NAV2: variants seen among roughly 807,000 people sequenced by gnomAD.
NAV2 encodes the protein neuron navigator 2.
A neutral mutation model predicts 223.2 loss-of-function variants in NAV2; 54 were observed. The ratio of observed to expected loss-of-function variants is 0.24; its 90% CI spans 0.19 to 0.30. NAV2 has a LOEUF of 0.30. Among genes scored for constraint, NAV2 ranks in the 10% least tolerant of loss-of-function variants. NAV2 has a pLI of 1.00. For synonymous variants in NAV2, 1,279 were observed against 1,239.3 expected, an observed-to-expected ratio of 1.03 and a Z score of -0.67; for missense variants, 2,806 against 3,147.5, an observed-to-expected ratio of 0.89 and a Z score of 2.60.
chr11:20,055,421 A>T (rs1427497233), intron 18 of NAV2, among the ~76,000 whole-genome samples: 1 of 152,204 alleles, frequency 6.6e-6, no homozygotes, highest in East Asian at 1.9e-4. Flanking sequence ...TCTGATCAAA[A>T]GCCTGATTGG....
chr11:19,443,709 G>C (rs1038411176), intron 1 of NAV2, among the ~76,000 whole-genome samples: 1 of 152,154 alleles, frequency 6.6e-6, no homozygotes, highest in Admixed American at 6.5e-5. Flanking sequence ...AAGACATCTG[G>C]CTTGGAATTT....
At chr11:19,789,376 CCTT>C (rs1033346985) in intron 1 of NAV2, among the ~76,000 whole-genome samples, 1 of 152,162 alleles carries the variant, frequency 6.6e-6, no homozygotes, top group African/African-American at 2.4e-5. Flanking sequence ...CATCCTTTGA[CCTT>C]CTCAAACTTT....
chr11:19,346,721 A>C (rs978565078), upstream of NAV2, among the ~76,000 whole-genome samples: 1 of 152,230 alleles, frequency 6.6e-6, no homozygotes, highest in Non-Finnish European at 1.5e-5. Context: ...GTGGCTTAGC[A>C]GAAGTGGCCG....
rs755425144 is a variant in NAV2 at position 20,054,092 on chromosome 11, C to G, written c.4494C>G (p.Thr1498=). 2 of 1,612,494 alleles carry G rather than the reference C, an allele frequency of 1.2e-6. No homozygotes were observed. The highest frequency in any genetic ancestry group is 1.7e-6 in the Non-Finnish European group (2 of 1,179,704). The change falls in exon 18 of 38, where the codon ACC becomes ACG. Residue 1498 remains threonine (T), a synonymous_variant. Coordinates refer to ENST00000349880, the MANE Select transcript of NAV2 (RefSeq NM_145117.5). ...TCTGTCTGTCCAGGTATACTCCCACCTCCCAGCTTCGCACGCAAGAAGATG... is the reference window on the plus strand; with the variant it reads ...TCTGTCTGTCCAGGTATACTCCCACGTCCCAGCTTCGCACGCAAGAAGATG... The part of the protein sequence containing the change: ...LPKKGLRYTP[T]SQLRTQEDAK...
intron 6 of NAV2, among the ~76,000 whole-genome samples, chr11:19,921,743 C>CTTA (rs2044289751): frequency 6.6e-6 from 1 of 152,196 alleles, no homozygotes; most frequent in Admixed American, 6.5e-5. Context: ...ACTTACTTAA[C>CTTA]CCCTATGCCT....
Position 19,675,784 on chromosome 11 carries a change from C to A in NAV2, c.76-156700C>A, listed in dbSNP as rs1228136697. ...GAGTTAGCCTCAGAGTTGCTCAAGTCCCCTCGAAACTAATTGATATTTGTA... is the reference window on the plus strand; with the variant it reads ...GAGTTAGCCTCAGAGTTGCTCAAGTACCCTCGAAACTAATTGATATTTGTA... On this transcript the variant is annotated intron_variant, in intron 1 of 37. Coordinates refer to the NAV2 transcript ENST00000360655. Among the ~76,000 whole-genome samples the A allele has an allele frequency of 5.3e-5, 8 of 152,276 alleles. No homozygotes were observed. In the East Asian group the frequency reaches 1.5e-3, roughly 29 times the overall value.
chr11:19,766,227 C>A (rs997448844), intron 1 of NAV2, among the ~76,000 whole-genome samples: 1 of 152,096 alleles, frequency 6.6e-6, no homozygotes, highest in African/African-American at 2.4e-5. Context: ...TTTTTAAATC[C>A]TCAGCCCGGT....
chr11:19,933,095 G>T lies in NAV2; in HGVS notation c.932-81G>T. On this transcript the variant is annotated intron_variant, in intron 6 of 37. Transcript: ENST00000349880. The surrounding 1 kb of genome is among the most constrained non-coding windows in gnomAD (Gnocchi z 4.3). ...GCATTTGGGTTGGGAGTGATTGGTTGTGTGGCCATGGCTGACCCTCCCTGG... is the reference window on the plus strand; with the variant it reads ...GCATTTGGGTTGGGAGTGATTGGTTTTGTGGCCATGGCTGACCCTCCCTGG... The T allele has an allele frequency of 6.9e-7, 1 of 1,447,896 alleles. No individual in the cohort carries two copies. Among genetic ancestry groups the T allele is most frequent in the Non-Finnish European group, 9.2e-7 (1 of 1,092,612 alleles). The allele number at this position is 1,447,896 out of a possible 1,614,324, so 89.7% of individuals were successfully genotyped here.
intron 1 of NAV2, chr11:19,503,622 C>T (rs1173187275): frequency 2.6e-5 from 4 of 152,158 alleles, no homozygotes; most frequent in Admixed American, 2.6e-4. Flanking sequence ...TTTTTCATGG[C>T]TTGATAGCTC....
At chr11:19,520,254 A>G (rs2043603967) in intron 1 of NAV2, among the ~76,000 whole-genome samples, 1 of 152,190 alleles carries the variant, frequency 6.6e-6, no homozygotes, top group Non-Finnish European at 1.5e-5. Flanking sequence ...TTTACTAGAC[A>G]ACAGCCCAGG....
intron 32 of NAV2, 60 bp downstream of exon 32, chr11:20,101,232 C>A: frequency 7.8e-7 from 1 of 1,282,450 alleles, no homozygotes; most frequent in Non-Finnish European, 1.1e-6. Flanking sequence ...GATGATATCA[C>A]CACTAGCCTG....
intron 1 of NAV2, among the ~76,000 whole-genome samples, chr11:19,740,823 A>G (rs2052735778): frequency 6.6e-6 from 1 of 152,344 alleles, no homozygotes; most frequent in South Asian, 2.1e-4. Flanking sequence ...TACTATTGTT[A>G]TCATCTACAT....
At chr11:20,022,713 A>G (rs932902869) in intron 11 of NAV2, 24 of 1,032,148 alleles carry the variant, frequency 2.3e-5, no homozygotes, top group Non-Finnish European at 2.8e-5. Flanking sequence ...GTAGTTTTTC[A>G]TTCTTAGATT....
At chr11:19,608,989 G>A (rs1235794137) in intron 1 of NAV2, among the ~76,000 whole-genome samples, 1 of 152,124 alleles carries the variant, frequency 6.6e-6, no homozygotes, top group African/African-American at 2.4e-5. Flanking sequence ...TCATTCTTCT[G>A]CCTTCTTCTC....
rs143564253 is a variant in NAV2 at position 19,400,500 on chromosome 11, G to T, written c.75+49473G>T. On this transcript the variant is annotated intron_variant, in intron 1 of 37. Transcript: ENST00000360655. ...CCATAGTGCTAGGAAAACAACACAG[G>T]AACTGAAGCCAGGTGGACTGAGTTT... Among the ~76,000 whole-genome samples, 401 of 152,270 alleles carry T rather than the reference G, an allele frequency of 2.6e-3. 3 individuals carry two copies. Among genetic ancestry groups the T allele is most frequent in the African/African-American group, 9.1e-3 (376 of 41,542 alleles).
intron 1 of NAV2, among the ~76,000 whole-genome samples, chr11:19,533,209 C>T (rs113148729): frequency 0.011 from 1,601 of 151,726 alleles, 29 homozygotes; most frequent in African/African-American, 0.037. Flanking sequence ...GGTTTCTTAA[C>T]CTCAGCACAA....
At chr11:19,401,718 G>C (rs887958207) in intron 1 of NAV2, among the ~76,000 whole-genome samples, 6 of 152,144 alleles carry the variant, frequency 3.9e-5, no homozygotes, top group Non-Finnish European at 7.4e-5. Flanking sequence ...TGAGCATGTG[G>C]CATATTCCAT....
At chr11:19,494,239 TG>T (rs1013150141) in intron 1 of NAV2, among the ~76,000 whole-genome samples, 1 of 152,234 alleles carries the variant, frequency 6.6e-6, no homozygotes, top group African/African-American at 2.4e-5. Flanking sequence ...AAACACTGGC[TG>T]GGGGCTTCCT....
chr11:19,494,456 T>C (rs2042730194), intron 1 of NAV2, among the ~76,000 whole-genome samples: 1 of 152,204 alleles, frequency 6.6e-6, no homozygotes, highest in South Asian at 2.1e-4. Flanking sequence ...TGATATGCCA[T>C]TTAATCCTCC....
Sources: gnomAD v4.1 joint callset for allele counts (sites outside exome capture counted in the v4.1 genomes callset) on GRCh38, gnomAD v4.1.1 for gene constraint, Gnocchi (gnomAD v3.1) non-coding constraint, MANE v1.5 for transcripts, NCBI Gene and HGNC (gene_info 2026-07-23, HGNC 2026-07-21) for gene names.